COL27A1: variants seen among roughly 807,000 people sequenced by gnomAD.
COL27A1 encodes collagen alpha-1(XXVII) chain.
A neutral mutation model predicts 251.3 loss-of-function variants in COL27A1; 106 were observed. That is an observed-to-expected ratio of 0.42 (90% CI 0.36 to 0.50). The LOEUF (loss-of-function observed/expected upper bound fraction) is 0.50, where lower values mean the gene tolerates loss of function less well. Ranked by LOEUF, COL27A1 falls within the 20% of genes least tolerant of loss-of-function variation. COL27A1 has a pLI of 0.00. For missense variants in COL27A1, 2,325 were observed against 2,522.8 expected (o/e 0.92, Z 1.68); for synonymous variants, 1,000 against 986.3 (o/e 1.01, Z -0.26).
chr9:114,290,734 C>T lies in COL27A1; in HGVS notation c.4369-76C>T, dbSNP rs1827856640. 8.8e-7 allele frequency: 1 copy of T among 1,137,672 alleles called. No individual in the cohort carries two copies. Among genetic ancestry groups the T allele is most frequent in the Non-Finnish European group, 1.2e-6 (1 of 801,474 alleles). 70.5% of individuals were successfully genotyped at this position (1,137,672 alleles called of 1,614,324 possible). A position where few individuals can be genotyped will look rare whatever the true frequency, so the allele number is the denominator to read the frequency against. On this transcript the variant is annotated intron_variant, in intron 47 of 60. Coordinates refer to ENST00000356083, the MANE Select transcript of COL27A1 (RefSeq NM_032888.4). This position sits in a 1 kb window ranked among gnomAD's most constrained non-coding sequence, Gnocchi z 4.6. ...TCCTCCAGCTTCACCCAGGGTTTGC[C>T]CAGGCGTTGAGCCATCTGCTTCCTT...
Position 114,209,801 on chromosome 9 carries a change from C to T in COL27A1, c.2322+73C>T, listed in dbSNP as rs1830221541. The T allele has an allele frequency of 2.8e-6, 4 of 1,432,884 alleles. No individual in the cohort carries two copies. In the Admixed American group the frequency reaches 6.8e-5, roughly 24 times the overall value. 88.8% of individuals were successfully genotyped at this position (1,432,884 alleles called of 1,614,324 possible). On this transcript the variant is annotated intron_variant, in intron 11 of 60. Transcript: ENST00000356083. The stretch of plus-strand genomic sequence containing the variant: ...AAACAGAGCAGAACCTGCCAGGCAC[C>T]AGCCTGGGGAAGTCAAGGAATTCCT...
chr9:114,178,450 C>A, intron 4 of COL27A1, 106 bp downstream of exon 4: 2 of 1,004,634 alleles, frequency 2.0e-6, no homozygotes, highest in Non-Finnish European at 3.2e-6. Flanking sequence ...TTCTTCCCTC[C>A]CCCTCTCTGG....
At position 114,301,688 on chromosome 9, in the gene COL27A1, C is replaced by T; in HGVS notation, c.4816C>T (p.Pro1606Ser). The T allele has an allele frequency of 6.2e-7, 1 of 1,611,234 alleles. No individual in the cohort carries two copies. Among genetic ancestry groups the T allele is most frequent in the Non-Finnish European group, 8.5e-7 (1 of 1,178,896 alleles). ...DWGLQGPRGPPGPRGRPGPPG... is the reference protein window; with the variant it reads ...DWGLQGPRGPSGPRGRPGPPG... ...TCTTCTCTTGTTCCCCCAGGGTCCT[C>T]CCGGCCCCAGAGGGCGGCCCGGCCC... The change falls in exon 55 of 61, where the codon CCC becomes TCC. Residue 1606 changes from proline to serine, a missense_variant. By Grantham distance (74) the Pro-to-Ser change is moderately conservative. Coordinates refer to ENST00000356083, the MANE Select transcript of COL27A1 (RefSeq NM_032888.4).
intron 19 of COL27A1, among the ~76,000 whole-genome samples, chr9:114,239,117 C>T (rs550979892): frequency 3.5e-4 from 53 of 152,314 alleles, no homozygotes; most frequent in African/African-American, 8.2e-4. Context: ...CTGATAAGCG[C>T]GTCAGCACCC....
chr9:114,247,902 A>G (rs1489369605), intron 24 of COL27A1, among the ~76,000 whole-genome samples: 2 of 152,190 alleles, frequency 1.3e-5, no homozygotes, highest in Admixed American at 1.3e-4. Context: ...TAGCATTATA[A>G]TGGCAAAAAC....
In COL27A1 at chr9:114,187,610, G is replaced by A. The variant is rs533812880; in HGVS notation, c.2016+4535G>A. ...CTAGCCCTCAGCTCCACAGCTCTCT[G>A]GTCTTCCCTGTGTGTGTCACATATG... On this transcript the variant is annotated intron_variant, in intron 5 of 60. Coordinates refer to ENST00000356083, the MANE Select transcript of COL27A1 (RefSeq NM_032888.4). 2.6e-5 allele frequency among the ~76,000 whole-genome samples: 4 copies of A among 152,330 alleles called. No individual in the cohort carries two copies. In the East Asian group the frequency reaches 7.7e-4, roughly 29 times the overall value.
At position 114,170,662 on chromosome 9, in the gene COL27A1, C is replaced by G. The variant is rs116345890; in HGVS notation, c.1908+1199C>G. On this transcript the variant is annotated intron_variant, in intron 3 of 60. Transcript: ENST00000356083. ...TCTGCCTTTATTATAACCATATTGT[C>G]GAACTTATGGAAACTGTATGCATTG... Among the ~76,000 whole-genome samples the G allele has an allele frequency of 4.1e-3, 620 of 152,320 alleles. 5 individuals are homozygous for G. Among genetic ancestry groups the G allele is most frequent in the African/African-American group, 0.014 (564 of 41,576 alleles).
In COL27A1 at chr9:114,178,310, G is replaced by C; in HGVS notation, c.1928G>C (p.Gly643Ala). The C allele has an allele frequency of 6.2e-7, 1 of 1,614,014 alleles. No homozygotes were observed. The highest frequency in any genetic ancestry group is 8.5e-7 in the Non-Finnish European group (1 of 1,179,980). ...CGLPGPPGLP[G>A]LPGIPGARGP... ...CCTCAGGGTCCCCCTGGGCTACCTG[G>C]GCTACCTGGAATCCCTGGTGCACGT... The change falls in exon 4 of 61, where the codon GGG becomes GCG. Residue 643 changes from glycine (G) to alanine (A), a missense_variant. By Grantham distance (60) the Gly-to-Ala change is moderately conservative. This residue lies in a region of COL27A1 where 1,183 missense variants were observed against 1,144.1 expected (regional missense o/e 1.03). Transcript: ENST00000356083.
chr9:114,167,968 A>C lies in COL27A1; in HGVS notation c.413A>C (p.His138Pro), dbSNP rs746153745. 1.2e-6 allele frequency: 2 copies of C among 1,606,738 alleles called. No individual in the cohort carries two copies. ...TTCCTCCCCGGCAAGACGGTCGTCC[A>C]CCTCGGGTCCCGGCGCTCAGTGGCC... ...LQFLPGKTVV[H>P]LGSRRSVAFD... is the part of the protein sequence containing the mutation. Residue 138 changes from histidine (H) to proline (P), a missense_variant, in exon 3 of 61, where the codon CAC (histidine) becomes CCC (proline). Around this residue, in one of 4 missense-constraint regions of COL27A1, gnomAD observed 1,183 missense variants for 1,144.1 expected, o/e 1.03. Coordinates refer to ENST00000356083, the MANE Select transcript of COL27A1 (RefSeq NM_032888.4).
chr9:114,190,458 C>T (rs34671331), intron 5 of COL27A1, among the ~76,000 whole-genome samples: 5,219 of 152,170 alleles, frequency 0.034, 114 homozygotes, highest in Non-Finnish European at 0.053. Context: ...TTTGTGGAGA[C>T]GGGCTCACTT....
intron 38 of COL27A1, 61 bp from the exon 39 acceptor site, chr9:114,282,396 C>T (rs1407578689): frequency 6.2e-7 from 1 of 1,608,612 alleles, no homozygotes; most frequent in East Asian, 2.2e-5. Flanking sequence ...CACATCCCTC[C>T]CCTCCCTGGA....
rs537171952 is a variant in COL27A1 at position 114,207,897 on chromosome 9, T to A, written c.2268+1601T>A. On this transcript the variant is annotated intron_variant, in intron 10 of 60. Transcript: ENST00000356083. ...TCTTTCAGATTATGGATATTAATCATGCTGGATGCCAACGAGGAGGCTCAG... is the reference window on the plus strand; with the variant it reads ...TCTTTCAGATTATGGATATTAATCAAGCTGGATGCCAACGAGGAGGCTCAG... Among the ~76,000 whole-genome samples, 7 of 152,350 alleles carry A rather than the reference T, an allele frequency of 4.6e-5. No individual in the cohort carries two copies. In the South Asian group the frequency reaches 1.5e-3, roughly 32 times the overall value.
intron 44 of COL27A1, 32 bp downstream of exon 44, chr9:114,288,999 C>T (rs762501975): frequency 6.2e-7 from 1 of 1,612,316 alleles, no homozygotes; most frequent in South Asian, 1.1e-5. Flanking sequence ...ATCCCTGCCT[C>T]CCACCCTGAG....
In COL27A1 at chr9:114,288,922, G is replaced by A. The variant is rs1687409; in HGVS notation, c.4107G>A (p.Glu1369=). The change falls in exon 44 of 61, where the codon GAG becomes GAA. Residue 1369 remains glutamate, a synonymous_variant. Coordinates refer to ENST00000356083, the MANE Select transcript of COL27A1 (RefSeq NM_032888.4). ...CTCTCTTTGGCTTCCAGGGACAGGA[G>A]GGTGTGCAAGGCCTCCGTGGAAAGC... is the stretch of plus-strand genomic sequence containing the variant. ...EPGDPGYPGQ[E]GVQGLRGKPG... 20,436 of 1,613,652 alleles carry A rather than the reference G, an allele frequency of 0.013. 2,220 individuals carry two copies. The African/African-American group carries it at 0.24, about 19-fold the overall frequency.
chr9:114,271,550 T>A (rs1468008), intron 36 of COL27A1: 98,851 of 152,180 alleles, frequency 0.65, 32,424 homozygotes, highest in African/African-American at 0.72. Flanking sequence ...CCTGAGAGAC[T>A]CCTGTCAGCC....
chr9:114,250,407 G>A (rs1008958410), intron 24 of COL27A1, among the ~76,000 whole-genome samples: 6 of 152,204 alleles, frequency 3.9e-5, no homozygotes, highest in Admixed American at 1.3e-4. Flanking sequence ...CCGCTGCTTG[G>A]CTTCAAAATC....
At chr9:114,242,277 C>T (rs1832816087) in intron 22 of COL27A1, 46 bp downstream of exon 22, 17 of 1,555,858 alleles carry the variant, frequency 1.1e-5, no homozygotes, top group Non-Finnish European at 1.5e-5. Flanking sequence ...GGGAGCTGAG[C>T]CAGCTGTGCA....
At chr9:114,223,925 G>A (rs76737446) in intron 14 of COL27A1, among the ~76,000 whole-genome samples, 2 of 152,268 alleles carry the variant, frequency 1.3e-5, no homozygotes, top group South Asian at 2.1e-4. Flanking sequence ...TTACACACAC[G>A]TGATATTTTA....
chr9:114,154,934 G>C (rs1191250397), upstream of COL27A1, among the ~76,000 whole-genome samples: 1 of 152,154 alleles, frequency 6.6e-6, no homozygotes, highest in Non-Finnish European at 1.5e-5. The surrounding 1 kb of genome is among the most constrained non-coding windows in gnomAD (Gnocchi z 5.8). Context: ...TTAGCTCCCG[G>C]ATGGGATCCG....
Sources: gnomAD v4.1 joint callset for allele counts (sites outside exome capture counted in the v4.1 genomes callset) on GRCh38, gnomAD v4.1.1 for gene constraint, gnomAD v4.1.1 regional missense constraint, Gnocchi (gnomAD v3.1) non-coding constraint, MANE v1.5 for transcripts, NCBI Gene and HGNC (gene_info 2026-07-23, HGNC 2026-07-21) for gene names.